The following COPG2 variants were observed in gnomAD, a reference collection of about 807,000 sequenced individuals.
COPG2 encodes the protein coat protein complex I subunit gamma 2.
Under a neutral mutation model 46.3 loss-of-function variants are expected in COPG2, and 37 were observed. The observed-to-expected ratio is 0.80, with a 90% CI of 0.61 to 1.05. The LOEUF (loss-of-function observed/expected upper bound fraction) is 1.05. Among genes scored for constraint, COPG2 ranks in the 50% least tolerant of loss-of-function variants. COPG2 has a pLI of 0.00. For missense variants in COPG2, 427 were observed against 387.8 expected, an observed-to-expected ratio of 1.10 and a Z score of -0.85; for synonymous variants, 159 against 129.7, an observed-to-expected ratio of 1.23 and a Z score of -1.53.
intron 9 of COPG2, among the ~76,000 whole-genome samples, chr7:130,580,052 G>A (rs1320559358): frequency 2.0e-5 from 3 of 150,300 alleles, no homozygotes; most frequent in Non-Finnish European, 4.5e-5. Flanking sequence ...ATTTTTTTCA[G>A]CACCACACCA....
At chr7:130,513,302 AAAAAAAATATATATAT>A (rs1236063261) in intron 20 of COPG2, among the ~76,000 whole-genome samples, 1 of 38,276 alleles carries the variant, frequency 2.6e-5, no homozygotes, top group African/African-American at 1.2e-4. Flanking sequence ...AAAAAAAAAA[AAAAAAAATATATATAT>A]ATATATATAT....
chr7:130,565,453 G>A (rs1013693675), intron 9 of COPG2, among the ~76,000 whole-genome samples: 12 of 152,116 alleles, frequency 7.9e-5, no homozygotes, highest in African/African-American at 2.9e-4. Context: ...ATAGGGAAAG[G>A]GAAGGTCTGA....
chr7:130,600,650 G>A (rs1794618737), intron 9 of COPG2, among the ~76,000 whole-genome samples: 1 of 152,118 alleles, frequency 6.6e-6, no homozygotes, highest in South Asian at 2.1e-4. Context: ...GTGTGTGAGT[G>A]TATAGTTAGT....
intron 5 of COPG2, among the ~76,000 whole-genome samples, chr7:130,648,558 C>T (rs574654286): frequency 4.6e-5 from 7 of 152,154 alleles, no homozygotes; most frequent in Admixed American, 2.0e-4. Context: ...TTCGGACCTA[C>T]GGAATTAGAA....
chr7:130,557,847 G>GTTT, intron 12 of COPG2, among the ~76,000 whole-genome samples: 1 of 44,090 alleles, frequency 2.3e-5, no homozygotes, highest in African/African-American at 9.8e-5. Flanking sequence ...AATCATGCAA[G>GTTT]AATAGCCAGG....
At chr7:130,573,067 C>CA (rs1793936061) in intron 9 of COPG2, among the ~76,000 whole-genome samples, 1 of 151,720 alleles carries the variant, frequency 6.6e-6, no homozygotes. Flanking sequence ...TTATGAGGAA[C>CA]TATTATGAAC....
chr7:130,566,277 C>T (rs1254730809), intron 9 of COPG2, among the ~76,000 whole-genome samples: 6 of 152,104 alleles, frequency 3.9e-5, no homozygotes, highest in Admixed American at 3.9e-4. Context: ...TTGGTACCAT[C>T]TTGTACCAGT....
At chr7:130,541,400 G>A (rs1436098620) in intron 20 of COPG2, among the ~76,000 whole-genome samples, 1 of 151,668 alleles carries the variant, frequency 6.6e-6, no homozygotes, top group Admixed American at 6.6e-5. Flanking sequence ...TGAAGACACG[G>A]GCCTTAAGGA....
intron 5 of COPG2, among the ~76,000 whole-genome samples, chr7:130,630,533 T>C (rs1159247635): frequency 6.6e-6 from 1 of 152,216 alleles, no homozygotes; most frequent in African/African-American, 2.4e-5. Flanking sequence ...CCTTAATAAT[T>C]TTTCTGTATA....
chr7:130,557,258 T>C (rs1793642206), intron 12 of COPG2, among the ~76,000 whole-genome samples: 2 of 151,866 alleles, frequency 1.3e-5, no homozygotes, highest in African/African-American at 4.8e-5. Flanking sequence ...ATAATAGCAA[T>C]GAAAAAGGTA....
intron 12 of COPG2, among the ~76,000 whole-genome samples, chr7:130,558,938 T>C (rs1793674705): frequency 6.6e-6 from 1 of 152,116 alleles, no homozygotes. Context: ...AAATGTAAAA[T>C]ATGAAACTAT....
intron 5 of COPG2, among the ~76,000 whole-genome samples, chr7:130,647,460 T>C (rs1795636184): frequency 6.6e-6 from 1 of 152,172 alleles, no homozygotes; most frequent in South Asian, 2.1e-4. Context: ...GACATTCTTG[T>C]ACAGTCTTTT....
intron 5 of COPG2, among the ~76,000 whole-genome samples, chr7:130,618,189 T>C (rs995518801): frequency 7.3e-5 from 11 of 151,494 alleles, no homozygotes; most frequent in Non-Finnish European, 1.2e-4. Flanking sequence ...ATGCACTCTT[T>C]CTGGCTCTGT....
chr7:130,515,735 T>C lies in COPG2; in HGVS notation c.2150-7076A>G, dbSNP rs1024219753. ...TGGAGAGAATGGAGGTGATGGAGGG[T>C]ACAAAAGGGAAGGGATAAATGAATG... On this transcript the variant is annotated intron_variant, in intron 20 of 23. Coordinates refer to ENST00000425248, the MANE Select transcript of COPG2 (RefSeq NM_012133.6). Among the ~76,000 whole-genome samples, 73 of 151,484 alleles carry C rather than the reference T, an allele frequency of 4.8e-4. 1 individual carries two copies. Among genetic ancestry groups the C allele is most frequent in the African/African-American group, 1.7e-3 (69 of 41,276 alleles).
intron 6 of COPG2, among the ~76,000 whole-genome samples, chr7:130,615,198 C>T (rs1794928564): frequency 6.6e-6 from 1 of 152,200 alleles, no homozygotes; most frequent in East Asian, 1.9e-4. Context: ...AAATCAAACT[C>T]ATAGGAAGTT....
rs782035293 is a variant in COPG2, at chr7:130,511,754, C to T, written c.2150-3095G>A. ...GGAATAAAGATTTAGAATGGGGTAT[C>T]CTGTCTAGGTCTAAATGGTCGGCTG... On this transcript the variant is annotated intron_variant, in intron 20 of 23. Coordinates refer to ENST00000425248, the MANE Select transcript of COPG2 (RefSeq NM_012133.6). The T allele has an allele frequency of 3.1e-5, 16 of 517,574 alleles. No individual in the cohort carries two copies. In the Admixed American group the frequency reaches 3.1e-4, roughly 10 times the overall value. 32.1% of individuals were successfully genotyped at this position (517,574 alleles called of 1,614,324 possible). A position where few individuals can be genotyped will look rare whatever the true frequency, so the allele number is the denominator to read the frequency against.
intron 20 of COPG2, among the ~76,000 whole-genome samples, chr7:130,544,784 A>T (rs1223008983): frequency 6.6e-6 from 1 of 152,162 alleles, no homozygotes; most frequent in Non-Finnish European, 1.5e-5. Flanking sequence ...AAAACTTTTT[A>T]GGTAAAGGAC....
Position 130,506,691 on chromosome 7 carries a change from TA to T in COPG2, c.2600del (p.Leu867Ter). On this transcript the variant is annotated frameshift_variant, in exon 24 of 24. Coordinates refer to ENST00000425248, the MANE Select transcript of COPG2 (RefSeq NM_012133.6). LOFTEE classifies it high-confidence loss of function. ...CAGTAAGCATTTATCCAACAGAAGC[TA>T]AGATAACATCTACAGGTGTTCTCTC... ...SKERTPVDVI[L>X]ASVG 2 of 779,970 alleles carry T rather than the reference TA, an allele frequency of 2.6e-6. No individual in the cohort carries two copies. The highest frequency in any genetic ancestry group is 4.8e-6 in the Non-Finnish European group (2 of 417,450). The allele number at this position is 779,970 out of a possible 1,614,324, so 48.3% of individuals were successfully genotyped here.
At chr7:130,514,252 C>A (rs782819254) in intron 20 of COPG2, among the ~76,000 whole-genome samples, 63 of 152,212 alleles carry the variant, frequency 4.1e-4, no homozygotes, top group Non-Finnish European at 7.6e-4. Flanking sequence ...TTAAAGACAC[C>A]AGGATAGATC....
Sources: allele counts gnomAD v4.1 joint callset (sites outside exome capture counted in the v4.1 genomes callset), GRCh38; gene constraint gnomAD v4.1.1; transcripts MANE v1.5; gene names NCBI Gene and HGNC (gene_info 2026-07-23, HGNC 2026-07-21).